ST8SIA6: variants seen among roughly 807,000 people sequenced by gnomAD.
ST8SIA6 encodes the protein ST8 alpha-N-acetyl-neuraminide alpha-2,8-sialyltransferase 6, also known as alpha-2,8-sialyltransferase 8F.
A neutral mutation model predicts 33.6 loss-of-function variants in ST8SIA6; 39 were observed. That is an observed-to-expected ratio of 1.16 (90% CI 0.90 to 1.52). The LOEUF is 1.52. Ranked by LOEUF, ST8SIA6 falls within the 40% of genes most tolerant of loss-of-function variation. The pLI, the probability that ST8SIA6 is intolerant of heterozygous loss-of-function variation, is 0.00. For synonymous variants in ST8SIA6, 172 were observed against 167.2 expected (o/e 1.03, Z -0.22); for missense variants, 441 against 443.8 (o/e 0.99, Z 0.06).
intron 2 of ST8SIA6, among the ~76,000 whole-genome samples, chr10:17,403,263 AGT>A (rs1200051208): frequency 6.6e-6 from 1 of 152,234 alleles, no homozygotes; most frequent in African/African-American, 2.4e-5. Context: ...CCTCAAATTC[AGT>A]GTGCAAAAGT....
At chr10:17,424,715 A>G (rs2131712435) in intron 2 of ST8SIA6, among the ~76,000 whole-genome samples, 1 of 152,102 alleles carries the variant, frequency 6.6e-6, no homozygotes, top group East Asian at 1.9e-4. Flanking sequence ...TCTTTTAGGA[A>G]GAAATAATAC....
intron 4 of ST8SIA6, among the ~76,000 whole-genome samples, chr10:17,340,079 T>A (rs1184149219): frequency 6.6e-6 from 1 of 152,236 alleles, no homozygotes; most frequent in Non-Finnish European, 1.5e-5. Flanking sequence ...GGGCTTGCAC[T>A]GCAAAGAACT....
chr10:17,368,585 G>A (rs564015822), intron 3 of ST8SIA6, among the ~76,000 whole-genome samples: 1 of 152,006 alleles, frequency 6.6e-6, no homozygotes, highest in South Asian at 2.1e-4. Flanking sequence ...GAAAAAGAAA[G>A]TACGAGGAAT....
chr10:17,344,193 GA>G (rs1380299140), intron 4 of ST8SIA6, among the ~76,000 whole-genome samples: 1 of 152,196 alleles, frequency 6.6e-6, no homozygotes, highest in Non-Finnish European at 1.5e-5. Flanking sequence ...CACAGAGGGG[GA>G]AAAGTCAAGA....
chr10:17,390,088 C>T (rs571374880), intron 3 of ST8SIA6, among the ~76,000 whole-genome samples: 3 of 152,148 alleles, frequency 2.0e-5, no homozygotes, highest in Non-Finnish European at 4.4e-5. Context: ...TTCCTGGGTT[C>T]AAACGATCCT....
chr10:17,316,297 A>T lies in ST8SIA6; in HGVS notation c.*4581T>A, dbSNP rs1847774132. ...AGCTTTTGTTTTCCCTTTATGCTAA[A>T]TTTAAAGGACATACCCTTATTTCTG... is the stretch of plus-strand genomic sequence containing the variant. On this transcript the variant is annotated 3_prime_UTR_variant, in exon 8 of 8. Coordinates refer to ENST00000377602, the MANE Select transcript of ST8SIA6 (RefSeq NM_001004470.3). Among the ~76,000 whole-genome samples the T allele has an allele frequency of 6.6e-6, 1 of 152,030 alleles. No individual in the cohort carries two copies. Among genetic ancestry groups the T allele is most frequent in the South Asian group, 2.1e-4 (1 of 4,830 alleles).
rs935249383 is a variant in ST8SIA6 at position 17,332,781 on chromosome 10, C to A, written c.378-1229G>T. On this transcript the variant is annotated intron_variant, in intron 4 of 7. Coordinates refer to ENST00000377602, the MANE Select transcript of ST8SIA6 (RefSeq NM_001004470.3). ...CTGATGGGCCTGAGATGGTATTTCA[C>A]TGTGGTTTTGAATTGCATTTCTCTA... 2.6e-5 allele frequency among the ~76,000 whole-genome samples: 4 copies of A among 152,246 alleles called. No homozygotes were observed. The South Asian group carries it at 8.3e-4, about 32-fold the overall frequency.
chr10:17,374,019 T>C (rs1475451555), intron 3 of ST8SIA6, among the ~76,000 whole-genome samples: 2 of 150,810 alleles, frequency 1.3e-5, no homozygotes, highest in Non-Finnish European at 2.9e-5. Flanking sequence ...CAAGTGTTAA[T>C]TAAGGAATTC....
intron 2 of ST8SIA6, among the ~76,000 whole-genome samples, chr10:17,391,798 G>A (rs1045254594): frequency 2.6e-5 from 4 of 152,144 alleles, no homozygotes; most frequent in Non-Finnish European, 1.5e-5. Context: ...GAGCCTCAGG[G>A]ACATAGGCAT....
chr10:17,410,442 A>G (rs973188259), intron 2 of ST8SIA6: 1 of 152,216 alleles, frequency 6.6e-6, no homozygotes, highest in African/African-American at 2.4e-5. Context: ...CCCATCAACC[A>G]AGATTTTTTT....
At chr10:17,430,646 A>C (rs1852074473) in intron 2 of ST8SIA6, among the ~76,000 whole-genome samples, 2 of 152,090 alleles carry the variant, frequency 1.3e-5, no homozygotes, top group Admixed American at 1.3e-4. Context: ...TAGTGGTGTC[A>C]AGCATTTTTT....
intron 2 of ST8SIA6, among the ~76,000 whole-genome samples, chr10:17,425,317 C>T (rs1588912818): frequency 6.6e-6 from 1 of 152,036 alleles, no homozygotes; most frequent in African/African-American, 2.4e-5. Context: ...ACCTGTAATT[C>T]CAGCGCTCTG....
chr10:17,332,608 G>A (rs886068020), intron 4 of ST8SIA6, among the ~76,000 whole-genome samples: 1 of 152,044 alleles, frequency 6.6e-6, no homozygotes, highest in African/African-American at 2.4e-5. Context: ...GGGATTACAA[G>A]TGTGCACCAC....
intron 2 of ST8SIA6, among the ~76,000 whole-genome samples, chr10:17,431,733 T>C (rs1852107973): frequency 7.4e-6 from 1 of 135,390 alleles, no homozygotes; most frequent in South Asian, 2.2e-4. Flanking sequence ...TGGTCTTCGT[T>C]TGGAAAAAAA....
At position 17,451,822 on chromosome 10, in the gene ST8SIA6, A is replaced by C. The variant is rs539277475; in HGVS notation, c.200+1737T>G. ...ATAAATGATAAAGGGGACATAAAAT[A>C]AATCAAAACATAAAGAGGCTTTTAC... On this transcript the variant is annotated intron_variant, in intron 2 of 7. Coordinates refer to ENST00000377602, the MANE Select transcript of ST8SIA6 (RefSeq NM_001004470.3). Among the ~76,000 whole-genome samples the C allele has an allele frequency of 5.9e-5, 9 of 152,388 alleles. No homozygotes were observed. The South Asian group carries it at 1.9e-3, about 32-fold the overall frequency.
intron 3 of ST8SIA6, among the ~76,000 whole-genome samples, chr10:17,385,723 A>G (rs1850315949): frequency 6.6e-6 from 1 of 152,152 alleles, no homozygotes; most frequent in African/African-American, 2.4e-5. Context: ...ATCTGGATGT[A>G]TAAGTGCAGG....
At chr10:17,349,371 T>G (rs1279739606) in intron 4 of ST8SIA6, among the ~76,000 whole-genome samples, 1 of 152,150 alleles carries the variant, frequency 6.6e-6, no homozygotes, top group Non-Finnish European at 1.5e-5. Context: ...ATACCAAGAG[T>G]TTAAACTAGT....
Position 17,357,072 on chromosome 10 carries a change from A to G in ST8SIA6, c.377+2442T>C, listed in dbSNP as rs569931102. ...TCCTTCTGCTCCTATCGGGCATCTA[A>G]GTTAAGGGCAGATCTAAATCCAGCT... On this transcript the variant is annotated intron_variant, in intron 4 of 7. Coordinates refer to ENST00000377602, the MANE Select transcript of ST8SIA6 (RefSeq NM_001004470.3). Among the ~76,000 whole-genome samples the G allele has an allele frequency of 3.3e-5, 5 of 152,230 alleles. No homozygotes were observed. In the South Asian group the frequency reaches 1.0e-3, roughly 32 times the overall value.
chr10:17,434,129 A>G (rs1432087050), intron 2 of ST8SIA6, among the ~76,000 whole-genome samples: 1 of 152,120 alleles, frequency 6.6e-6, no homozygotes, highest in Non-Finnish European at 1.5e-5. Flanking sequence ...TTTATGCAGA[A>G]TGGTCATTAC....
Sources: gnomAD v4.1 joint callset for allele counts (sites outside exome capture counted in the v4.1 genomes callset) on GRCh38, gnomAD v4.1.1 for gene constraint, MANE v1.5 for transcripts, NCBI Gene and HGNC (gene_info 2026-07-23, HGNC 2026-07-21) for gene names.